The following DGKI variants were observed in gnomAD, a reference collection of about 807,000 sequenced individuals.
The protein encoded by DGKI is diacylglycerol kinase iota.
In DGKI, 55 loss-of-function variants were observed where a neutral mutation model predicts 147.5. That is an observed-to-expected ratio of 0.37 (90% CI 0.30 to 0.47). The LOEUF is 0.47. Among genes scored for constraint, DGKI ranks in the 20% least tolerant of loss-of-function variants. DGKI has a pLI of 1.00. For synonymous variants in DGKI, 469 were observed against 477.1 expected, an observed-to-expected ratio of 0.98 and a Z score of 0.22; for missense variants, 1,007 against 1,323.8, an observed-to-expected ratio of 0.76 and a Z score of 3.71.
At chr7:137,624,778 G>A (rs1820875682) in intron 6 of DGKI, among the ~76,000 whole-genome samples, 1 of 148,940 alleles carries the variant, frequency 6.7e-6, no homozygotes, top group African/African-American at 2.5e-5. Flanking sequence ...CTAATTTTTT[G>A]TATTTTTTTA....
At position 137,591,771 on chromosome 7, in the gene DGKI, T is replaced by C. The variant is rs146503520; in HGVS notation, c.1312-4561A>G. Among the ~76,000 whole-genome samples, 4 of 152,350 alleles carry C rather than the reference T, an allele frequency of 2.6e-5. No individual in the cohort carries two copies. The East Asian group carries it at 7.7e-4, about 29-fold the overall frequency. ...AATGCTAAACTAACATTAGCTACTA[T>C]GACTCAGCTAGATTTTGCTACCTCT... On this transcript the variant is annotated intron_variant, in intron 12 of 32. Transcript: ENST00000614521.
intron 30 of DGKI, among the ~76,000 whole-genome samples, chr7:137,401,118 G>T (rs1442251737): frequency 2.0e-5 from 3 of 152,156 alleles, no homozygotes; most frequent in Non-Finnish European, 2.9e-5. Flanking sequence ...GTACAATGTG[G>T]AGTTTAACTG....
intron 1 of DGKI, among the ~76,000 whole-genome samples, chr7:137,835,062 G>GA (rs1563219828): frequency 6.6e-6 from 1 of 152,154 alleles, no homozygotes; most frequent in Non-Finnish European, 1.5e-5. Flanking sequence ...AGCTGCCAGC[G>GA]AAAGCTCAAT....
intron 1 of DGKI, among the ~76,000 whole-genome samples, chr7:137,816,127 G>A (rs797022289): frequency 1.4e-4 from 21 of 152,036 alleles, no homozygotes; most frequent in African/African-American, 1.2e-4. Flanking sequence ...TATATTTCCC[G>A]TCCATCTATG....
intron 6 of DGKI, among the ~76,000 whole-genome samples, chr7:137,626,385 G>A (rs1234314245): frequency 6.7e-6 from 1 of 149,114 alleles, no homozygotes; most frequent in Admixed American, 6.7e-5. Flanking sequence ...GCTGAATTTT[G>A]ATGTCCATGT....
intron 28 of DGKI, among the ~76,000 whole-genome samples, chr7:137,430,010 T>C (rs957101899): frequency 1.9e-5 from 2 of 107,484 alleles, no homozygotes; most frequent in African/African-American, 7.1e-5. Flanking sequence ...TCCTCAGGGA[T>C]CTAGAACTGG....
intron 1 of DGKI, 24 bp from the exon 2 acceptor site, chr7:137,690,026 AC>A (rs1280590689): frequency 1.3e-6 from 2 of 1,568,664 alleles, no homozygotes; most frequent in African/African-American, 2.8e-5. Context: ...AAAAACAAAA[AC>A]AAAAACAAAG....
intron 1 of DGKI, among the ~76,000 whole-genome samples, chr7:137,810,916 T>A (rs1797545843): frequency 6.6e-6 from 1 of 152,318 alleles, no homozygotes; most frequent in East Asian, 1.9e-4. Context: ...AGCATACCTA[T>A]GACAACCACA....
At chr7:137,602,612 T>A (rs1441611456) in intron 10 of DGKI, among the ~76,000 whole-genome samples, 2 of 152,176 alleles carry the variant, frequency 1.3e-5, no homozygotes, top group Non-Finnish European at 2.9e-5. Flanking sequence ...AAGATCTAAC[T>A]CACACACTTA....
Position 137,570,730 on chromosome 7 carries a change from T to C in DGKI, c.1947+445A>G, listed in dbSNP as rs1818765383. 2.0e-5 allele frequency among the ~76,000 whole-genome samples: 3 copies of C among 152,108 alleles called. No individual in the cohort carries two copies. In the South Asian group the frequency reaches 6.2e-4, roughly 32 times the overall value. On this transcript the variant is annotated intron_variant, in intron 19 of 32. Transcript: ENST00000614521. Reference sequence around the variant, plus strand: ...CATCAGCCTCCCAAGTAGCTGGAATTACAGGCAGCACATCATACCCAGCTA... The same window carrying C: ...CATCAGCCTCCCAAGTAGCTGGAATCACAGGCAGCACATCATACCCAGCTA...
chr7:137,692,328 C>T (rs1207647495), intron 1 of DGKI, among the ~76,000 whole-genome samples: 4 of 152,246 alleles, frequency 2.6e-5, no homozygotes, highest in Non-Finnish European at 5.9e-5. Context: ...TCACCACAAC[C>T]TAAATTAAGT....
At chr7:137,760,051 TCGACAGGGA>T (rs1329080172) in intron 1 of DGKI, among the ~76,000 whole-genome samples, 1 of 152,068 alleles carries the variant, frequency 6.6e-6, no homozygotes, top group Non-Finnish European at 1.5e-5. Context: ...ATTGAGGCAA[TCGACAGGGA>T]ATCCTCCTAA....
chr7:137,524,155 AAATG>A (rs1817061910), intron 20 of DGKI, among the ~76,000 whole-genome samples: 1 of 146,276 alleles, frequency 6.8e-6, no homozygotes, highest in South Asian at 2.1e-4. Flanking sequence ...CAGAGAGTAC[AAATG>A]AATGTGTAGG....
At chr7:137,744,078 C>T (rs1425101934) in intron 1 of DGKI, among the ~76,000 whole-genome samples, 1 of 149,446 alleles carries the variant, frequency 6.7e-6, no homozygotes, top group Non-Finnish European at 1.5e-5. Context: ...GACCCAAAAA[C>T]CATACAAAGG....
intron 7 of DGKI, among the ~76,000 whole-genome samples, chr7:137,622,194 AG>A (rs140338433): frequency 0.015 from 2,324 of 152,266 alleles, 60 homozygotes; most frequent in African/African-American, 0.053. Context: ...GACATGTAGG[AG>A]GCTAGAGATA....
At chr7:137,651,517 T>C (rs1335433752) in intron 5 of DGKI, among the ~76,000 whole-genome samples, 2 of 152,164 alleles carry the variant, frequency 1.3e-5, no homozygotes, top group Non-Finnish European at 2.9e-5. Context: ...AGTCTAGTGT[T>C]TGATGTATTA....
At chr7:137,704,291 T>C (rs1272665494) in intron 1 of DGKI, among the ~76,000 whole-genome samples, 1 of 152,084 alleles carries the variant, frequency 6.6e-6, no homozygotes, top group Admixed American at 6.5e-5. Flanking sequence ...TCTTATCAAA[T>C]AGAGAATATC....
intron 20 of DGKI, among the ~76,000 whole-genome samples, chr7:137,540,064 G>C (rs1817638479): frequency 6.6e-6 from 1 of 152,184 alleles, no homozygotes. Context: ...GATAACCTGA[G>C]TAGTCCTACA....
At chr7:137,655,771 C>T (rs1822196061) in intron 4 of DGKI, among the ~76,000 whole-genome samples, 1 of 152,146 alleles carries the variant, frequency 6.6e-6, no homozygotes, top group African/African-American at 2.4e-5. Flanking sequence ...ATGCATTTAC[C>T]CATGACAGCT....
Sources: gnomAD v4.1 joint callset for allele counts (sites outside exome capture counted in the v4.1 genomes callset) on GRCh38, gnomAD v4.1.1 for gene constraint, MANE v1.5 for transcripts, NCBI Gene and HGNC (gene_info 2026-07-23, HGNC 2026-07-21) for gene names.